The following BTN3A2 variants were observed in gnomAD, a reference collection of about 807,000 sequenced individuals.
The protein encoded by BTN3A2 is butyrophilin protein.
A neutral mutation model predicts 37.6 loss-of-function variants in BTN3A2; 25 were observed. The ratio of observed to expected loss-of-function variants is 0.66; its 90% CI spans 0.48 to 0.93. The LOEUF is 0.93. Among genes scored for constraint, BTN3A2 ranks in the 40% least tolerant of loss-of-function variants. The pLI, the probability that BTN3A2 is intolerant of heterozygous loss-of-function variation, is 0.00. For missense variants in BTN3A2, 266 were observed against 410.9 expected (o/e 0.65, Z 3.05); for synonymous variants, 122 against 159.4 (o/e 0.77, Z 1.77).
intron 9 of BTN3A2, 32 bp from the exon 10 acceptor site, chr6:26,374,739 C>T: frequency 1.3e-6 from 2 of 1,518,206 alleles, no homozygotes; most frequent in Non-Finnish European, 1.8e-6. Context: ...AAAATACTGA[C>T]CTTTTTCTTA....
Position 26,375,874 on chromosome 6 carries a change from A to C in BTN3A2, c.*112A>C, listed in dbSNP as rs1422633769. ...GGAAAAATAGACTGCAGAAAAGGGG[A>C]ACTCATTTAGCTCACGAGTGGTCGA... On this transcript the variant is annotated 3_prime_UTR_variant, in exon 11 of 11. Coordinates refer to ENST00000377708, the MANE Select transcript of BTN3A2 (RefSeq NM_007047.5). 3.9e-6 allele frequency: 6 copies of C among 1,545,266 alleles called. No individual in the cohort carries two copies. The East Asian group carries it at 1.5e-4, about 38-fold the overall frequency.
chr6:26,371,297 T>TA (rs35249543), intron 5 of BTN3A2, among the ~76,000 whole-genome samples: 59,161 of 151,618 alleles, frequency 0.39, 11,867 homozygotes, highest in African/African-American at 0.42. Context: ...AGAAACCAAG[T>TA]AAAAAAAATG....
In BTN3A2 at chr6:26,378,095, G is replaced by A. The variant is rs1004771149; in HGVS notation, c.*2333G>A. ...GATGAAGGAAGCTAGAAGAATTACAGGGATGTTTTTAATCCCACTATGGAC... is the reference window on the plus strand; with the variant it reads ...GATGAAGGAAGCTAGAAGAATTACAAGGATGTTTTTAATCCCACTATGGAC... On this transcript the variant is annotated 3_prime_UTR_variant, in exon 11 of 11. Coordinates refer to ENST00000377708, the MANE Select transcript of BTN3A2 (RefSeq NM_007047.5). 1 of 152,178 alleles carries A rather than the reference G, an allele frequency of 6.6e-6. No homozygotes were observed. The highest frequency in any genetic ancestry group is 1.5e-5 in the Non-Finnish European group (1 of 68,044). The allele number at this position is 152,178 out of a possible 1,614,324, so 9.4% of individuals were successfully genotyped here.
rs1760003815 is a variant in BTN3A2, at chr6:26,370,518, G to A, written c.630G>A (p.Met210Ile). 2 of 1,614,236 alleles carry A rather than the reference G, an allele frequency of 1.2e-6. No individual in the cohort carries two copies. The highest frequency in any genetic ancestry group is 1.7e-6 in the Non-Finnish European group (2 of 1,180,034). ...ATGAAGTAGCAGCATCTGTGATCATGAGAGGCGGCTCCGGGGAGGGTGTAT... is the reference window on the plus strand; with the variant it reads ...ATGAAGTAGCAGCATCTGTGATCATAAGAGGCGGCTCCGGGGAGGGTGTAT... ...GLYEVAASVI[M>I]RGGSGEGVSC... Residue 210 changes from methionine to isoleucine, a missense_variant, in exon 5 of 11, where the codon ATG becomes ATA. Around this residue, in one of 3 missense-constraint regions of BTN3A2, gnomAD observed 204 missense variants for 232.6 expected, o/e 0.88. Coordinates refer to ENST00000377708, the MANE Select transcript of BTN3A2 (RefSeq NM_007047.5).
intron 5 of BTN3A2, chr6:26,372,686 T>A (rs1760231568): frequency 3.6e-6 from 2 of 559,518 alleles, no homozygotes; most frequent in Admixed American, 3.3e-5. Context: ...GAGGCAGACA[T>A]CTCAAGATAA....
rs1581567373 is a variant in BTN3A2, at chr6:26,374,428, C to A, written c.*6+55C>A. The A allele has an allele frequency of 5.9e-6, 9 of 1,533,276 alleles. No homozygotes were observed. In the East Asian group the frequency reaches 2.0e-4, roughly 35 times the overall value. The allele number at this position is 1,533,276 out of a possible 1,614,324, so 95.0% of individuals were successfully genotyped here. A position where few individuals can be genotyped will look rare whatever the true frequency, so the allele number is the denominator to read the frequency against. ...ATTTCAACTTTTTCTCCACTGTGAC[C>A]CGTGGATGTTCTCAGCTGGATTAAT... On this transcript the variant is annotated intron_variant, in intron 9 of 10. Coordinates refer to ENST00000377708, the MANE Select transcript of BTN3A2 (RefSeq NM_007047.5).
chr6:26,370,960 C>A (rs1760050714), intron 5 of BTN3A2, among the ~76,000 whole-genome samples: 1 of 152,088 alleles, frequency 6.6e-6, no homozygotes, highest in South Asian at 2.1e-4. Flanking sequence ...GAAGGAGATT[C>A]TAAAAACCTA....
intron 6 of BTN3A2, 51 bp downstream of exon 6, chr6:26,373,148 T>C: frequency 3.2e-5 from 51 of 1,607,874 alleles, no homozygotes; most frequent in Non-Finnish European, 4.3e-5. Flanking sequence ...TGCCCCAGCC[T>C]GAAAACCTCA....
In BTN3A2 at chr6:26,365,396, G is replaced by C. The variant is rs182982166; in HGVS notation, c.-67+44G>C. The C allele has an allele frequency of 7.0e-5, 108 of 1,535,096 alleles. No homozygotes were observed. In the East Asian group the frequency reaches 2.2e-3, roughly 32 times the overall value. On this transcript the variant is annotated intron_variant, in intron 1 of 10. Transcript: ENST00000377708. The stretch of plus-strand genomic sequence containing the variant: ...TTAGAGCCTGGGCTACAACGCATGG[G>C]AGGAGCGGGGCTGAATCGCTGAGAG...
chr6:26,374,478 T>G, intron 9 of BTN3A2, 105 bp downstream of exon 9: 1 of 1,272,690 alleles, frequency 7.9e-7, no homozygotes, highest in Non-Finnish European at 1.1e-6. Context: ...AGACTCAATT[T>G]CTGTGTGGTG....
Position 26,370,407 on chromosome 6 carries a change from C to G in BTN3A2, c.519C>G (p.Pro173=). The G allele has an allele frequency of 9.9e-6, 16 of 1,614,114 alleles. No homozygotes were observed. Among genetic ancestry groups the G allele is most frequent in the Non-Finnish European group, 1.4e-5 (16 of 1,180,016 alleles). The change falls in exon 5 of 11, where the codon CCC becomes CCG. Residue 173 remains proline, a synonymous_variant. Transcript: ENST00000377708. ...AGTGCAGGTCCACCGGCTGGTACCC[C>G]CAACCCCAAATACAGTGGAGCAACG... The part of the protein sequence containing the change: ...HLECRSTGWY[P]QPQIQWSNAK...
rs1443234606 is a variant in BTN3A2, at chr6:26,376,762, A to G, written c.*1000A>G. 1 of 1,608,074 alleles carries G rather than the reference A, an allele frequency of 6.2e-7. No individual in the cohort carries two copies. Among genetic ancestry groups the G allele is most frequent in the Non-Finnish European group, 8.5e-7 (1 of 1,174,712 alleles). On this transcript the variant is annotated 3_prime_UTR_variant, in exon 11 of 11. Transcript: ENST00000377708. ...CACTACTGGGAGGTGGAAGTGGGGG[A>G]CAGAAAAGAGTGGCATATTGGGGTA...
chr6:26,376,529 G>GA lies in BTN3A2; in HGVS notation c.*772dup. On this transcript the variant is annotated 3_prime_UTR_variant, in exon 11 of 11. Coordinates refer to ENST00000377708, the MANE Select transcript of BTN3A2 (RefSeq NM_007047.5). ...TGCATGCTGTGGCTCTTAAATCCAG[G>GA]AAAAATGGCTGACCCCATGGACACC... 2 of 1,335,264 alleles carry GA rather than the reference G, an allele frequency of 1.5e-6. No homozygotes were observed. The highest frequency in any genetic ancestry group is 1.0e-6 in the Non-Finnish European group (1 of 985,794). 82.7% of individuals were successfully genotyped at this position (1,335,264 alleles called of 1,614,324 possible). A position where few individuals can be genotyped will look rare whatever the true frequency, so the allele number is the denominator to read the frequency against.
chr6:26,365,999 A>G (rs754090360), intron 1 of BTN3A2, among the ~76,000 whole-genome samples: 26 of 152,058 alleles, frequency 1.7e-4, no homozygotes, highest in Non-Finnish European at 3.4e-4. Context: ...CTTATATTAA[A>G]CCATTTTTGG....
chr6:26,372,718 G>A (rs754318671), intron 5 of BTN3A2, 179 bp from the exon 6 acceptor site: 10 of 674,906 alleles, frequency 1.5e-5, no homozygotes, highest in Non-Finnish European at 2.4e-5. Context: ...AGCTTGTAGT[G>A]AGGGTTTACC....
chr6:26,374,072 A>T (rs1012898342), intron 8 of BTN3A2: 2 of 445,662 alleles, frequency 4.5e-6, no homozygotes, highest in Non-Finnish European at 7.9e-6. Flanking sequence ...GCTGGACCCC[A>T]TTGGGAAGGA....
At chr6:26,375,486 C>T (rs1760629199) in intron 10 of BTN3A2, 15 of 704,640 alleles carry the variant, frequency 2.1e-5, no homozygotes, top group Non-Finnish European at 3.0e-5. Flanking sequence ...TGTGTATCTC[C>T]TTTCTTTCTC....
At position 26,377,846 on chromosome 6, in the gene BTN3A2, T is replaced by C. The variant is rs1409041291; in HGVS notation, c.*2084T>C. On this transcript the variant is annotated 3_prime_UTR_variant, in exon 11 of 11. Coordinates refer to ENST00000377708, the MANE Select transcript of BTN3A2 (RefSeq NM_007047.5). ...AGCCTTAGACCCAGCACTCCTTGGA[T>C]TGGCTCTGCAGAGTGTCTTGGTTGA... The C allele has an allele frequency of 1.3e-5, 2 of 154,628 alleles. No individual in the cohort carries two copies. The highest frequency in any genetic ancestry group is 2.9e-5 in the Non-Finnish European group (2 of 69,604). The allele number at this position is 154,628 out of a possible 1,614,324, so 9.6% of individuals were successfully genotyped here. A position where few individuals can be genotyped will look rare whatever the true frequency, so the allele number is the denominator to read the frequency against.
intron 8 of BTN3A2, 84 bp from the exon 9 acceptor site, chr6:26,374,235 AAAAAAGAC>A: frequency 2.0e-6 from 1 of 496,388 alleles, no homozygotes; most frequent in Non-Finnish European, 3.3e-6. Context: ...AAAAAAAAAA[AAAAAAGAC>A]TAGATGGATG....
Sources: gnomAD v4.1 joint callset for allele counts (sites outside exome capture counted in the v4.1 genomes callset) on GRCh38, gnomAD v4.1.1 for gene constraint, gnomAD v4.1.1 regional missense constraint, MANE v1.5 for transcripts, NCBI Gene and HGNC (gene_info 2026-07-23, HGNC 2026-07-21) for gene names.